Variants in C1QTNF6 observed in about 807,000 individuals in gnomAD.
The protein encoded by C1QTNF6 is complement C1q tumor necrosis factor-related protein 6.
In C1QTNF6, 17 loss-of-function variants were observed where a neutral mutation model predicts 20.7. The observed-to-expected ratio is 0.82, with a 90% CI of 0.56 to 1.23. The LOEUF (loss-of-function observed/expected upper bound fraction) is 1.23, where lower values mean the gene tolerates loss of function less well. Ranked by LOEUF, C1QTNF6 falls within the 50% of genes most tolerant of loss-of-function variation. The pLI, the probability that C1QTNF6 is intolerant of heterozygous loss-of-function variation, is 0.00. For missense variants in C1QTNF6, 329 were observed against 389.7 expected (o/e 0.84, Z 1.31); for synonymous variants, 130 against 156.3 (o/e 0.83, Z 1.25).
In C1QTNF6 at chr22:37,182,273, C is replaced by T. The variant is rs201227055; in HGVS notation, c.752G>A (p.Arg251His). 2.5e-4 allele frequency: 405 copies of T among 1,614,200 alleles called. 1 individual carries two copies. Among genetic ancestry groups the T allele is most frequent in the Non-Finnish European group, 3.1e-4 (367 of 1,180,032 alleles). ...GCTGTAGATGGCGTTCTCGCGCTGGCGCTTGAAGAGCCGCACCCAGACGCG... is the reference window on the plus strand; with the variant it reads ...GCTGTAGATGGCGTTCTCGCGCTGGTGCTTGAAGAGCCGCACCCAGACGCG... ...GDRVWVRLFK[R>H]QRENAIYSND... Residue 251 changes from arginine to histidine, a missense_variant, in exon 3 of 3, where the codon CGC becomes CAC. By Grantham distance (29) the Arg-to-His change is conservative. Transcript: ENST00000337843.
chr22:37,198,759 G>T (rs1475039997), upstream of C1QTNF6, among the ~76,000 whole-genome samples: 1 of 152,036 alleles, frequency 6.6e-6, no homozygotes, highest in Non-Finnish European at 1.5e-5. Flanking sequence ...GGGCGCCCAT[G>T]CACTCGCTTC....
At chr22:37,187,573 T>TAAA (rs5845322) in intron 1 of C1QTNF6, among the ~76,000 whole-genome samples, 1 of 147,282 alleles carries the variant, frequency 6.8e-6, no homozygotes, top group Non-Finnish European at 1.5e-5. Context: ...ATAAAAGACT[T>TAAA]AAAAAAAAAA....
chr22:37,185,628 G>C (rs1310333288), intron 1 of C1QTNF6, 173 bp from the exon 2 acceptor site: 8 of 1,333,274 alleles, frequency 6.0e-6, no homozygotes, highest in Non-Finnish European at 4.8e-6. Flanking sequence ...CCACAGAGCA[G>C]CAAGTTCCCC....
chr22:37,183,256 C>T (rs189210199), intron 2 of C1QTNF6, among the ~76,000 whole-genome samples: 15 of 152,336 alleles, frequency 9.8e-5, no homozygotes, highest in East Asian at 9.6e-4. Context: ...TGTGTGACCT[C>T]GGGCACTCCA....
chr22:37,193,025 T>C (rs1359163162), upstream of C1QTNF6, among the ~76,000 whole-genome samples: 1 of 152,108 alleles, frequency 6.6e-6, no homozygotes. Flanking sequence ...CCATCCCCCA[T>C]GGCAGTCTTA....
intron 2 of C1QTNF6, among the ~76,000 whole-genome samples, chr22:37,194,124 C>A (rs1924992802): frequency 1.3e-5 from 1 of 75,880 alleles, no homozygotes; most frequent in South Asian, 6.4e-4. Context: ...CAAGGTTAAA[C>A]TTGCAAGGAC....
upstream of C1QTNF6, chr22:37,191,558 T>C (rs965292884): frequency 7.2e-5 from 11 of 152,128 alleles, no homozygotes; most frequent in Admixed American, 1.3e-4. Context: ...TTGTCAAATA[T>C]CAAAAATTTA....
intron 2 of C1QTNF6, among the ~76,000 whole-genome samples, chr22:37,183,203 C>T (rs1037220203): frequency 6.6e-6 from 1 of 152,222 alleles, no homozygotes; most frequent in Non-Finnish European, 1.5e-5. Context: ...GGAGGAAAAG[C>T]CCAGGTTAGG....
chr22:37,182,434 C>T lies in C1QTNF6; in HGVS notation c.591G>A (p.Val197=). 2 of 1,614,274 alleles carry T rather than the reference C, an allele frequency of 1.2e-6. No individual in the cohort carries two copies. ...ACGTCTCCTTGTAATTCCAGCTGTG[C>T]ACATTGAGGCTGAAGAAGTAGATGC... The part of the protein sequence containing the change: ...LRGIYFFSLN[V]HSWNYKETYV... The change falls in exon 3 of 3, where the codon GTG becomes GTA. Residue 197 remains valine (V), a synonymous_variant. Transcript: ENST00000337843.
chr22:37,197,566 G>T (rs1925215908), intron 1 of C1QTNF6: 3 of 152,244 alleles, frequency 2.0e-5, no homozygotes, highest in African/African-American at 7.2e-5. Context: ...CACTTCACAG[G>T]TGAGGAGGCT....
At chr22:37,191,593 A>T (rs1924822006), upstream of C1QTNF6, 2 of 152,176 alleles carry the variant, frequency 1.3e-5, no homozygotes, top group Admixed American at 1.3e-4. Flanking sequence ...ACAAAATAGC[A>T]TCCCAGGTCA....
chr22:37,191,703 A>T (rs1457027084), upstream of C1QTNF6: 2 of 152,204 alleles, frequency 1.3e-5, no homozygotes, highest in Non-Finnish European at 2.9e-5. Flanking sequence ...TTCCAAAAAA[A>T]ACTGTCTCTT....
At chr22:37,189,297 C>A (rs974353746), upstream of C1QTNF6, among the ~76,000 whole-genome samples, 1 of 152,108 alleles carries the variant, frequency 6.6e-6, no homozygotes, top group African/African-American at 2.4e-5. Context: ...GTTTGTTTAC[C>A]GCATACTGTT....
Position 37,182,332 on chromosome 22 carries a change from G to A in C1QTNF6, c.693C>T (p.Ser231=), listed in dbSNP as rs1923851696. Residue 231 remains serine, a synonymous_variant, in exon 3 of 3, where the codon AGC becomes AGT. Coordinates refer to ENST00000337843, the MANE Select transcript of C1QTNF6 (RefSeq NM_031910.4). The part of the protein sequence containing the change: ...AQPSERSIMQ[S]QSVMLDLAYG... ...AGGCCAGGTCCAGCATCACACTCTG[G>A]CTCTGCATGATGCTGCGCTCGCTGG... 2 of 1,614,094 alleles carry A rather than the reference G, an allele frequency of 1.2e-6. No individual in the cohort carries two copies. The highest frequency in any genetic ancestry group is 1.3e-5 in the African/African-American group (1 of 74,958).
upstream of C1QTNF6, among the ~76,000 whole-genome samples, chr22:37,199,043 C>G (rs1300223482): frequency 1.3e-5 from 2 of 152,244 alleles, no homozygotes; most frequent in Non-Finnish European, 2.9e-5. Context: ...GCCAGGCCCT[C>G]TGCCCCGGCG....
rs1389524301 is a variant in C1QTNF6 at position 37,184,020 on chromosome 22, G to T, written c.289+1198C>A. ...CACCTCCCAGCAGGCTGCTGAGCTG[G>T]GCCCAGGAGCAGTGACCCTGGGTTT... On this transcript the variant is annotated intron_variant, in intron 2 of 2. Coordinates refer to ENST00000337843, the MANE Select transcript of C1QTNF6 (RefSeq NM_031910.4). The surrounding 1 kb of genome is among the most constrained non-coding windows in gnomAD (Gnocchi z 4.0). Among the ~76,000 whole-genome samples, 1 of 152,150 alleles carries T rather than the reference G, an allele frequency of 6.6e-6. No homozygotes were observed. Among genetic ancestry groups the T allele is most frequent in the Non-Finnish European group, 1.5e-5 (1 of 68,014 alleles).
At chr22:37,188,536 G>T, upstream of C1QTNF6, 1 of 259,036 alleles carries the variant, frequency 3.9e-6, no homozygotes, top group Non-Finnish European at 7.4e-6. Flanking sequence ...ATGGACACAG[G>T]CATGGGGCAC....
At chr22:37,186,914 G>C (rs1476543891) in intron 1 of C1QTNF6, among the ~76,000 whole-genome samples, 1 of 152,154 alleles carries the variant, frequency 6.6e-6, no homozygotes, top group Non-Finnish European at 1.5e-5. Flanking sequence ...GGTGAGGGCA[G>C]AGTTTTAAAG....
upstream of C1QTNF6, chr22:37,188,402 G>A (rs993205773): frequency 3.5e-4 from 174 of 491,458 alleles, 1 homozygote; most frequent in Admixed American, 6.8e-4. Context: ...TGGGTTCTGC[G>A]GAGATAAAGG....
Sources: allele counts gnomAD v4.1 joint callset (sites outside exome capture counted in the v4.1 genomes callset), GRCh38; gene constraint gnomAD v4.1.1; non-coding constraint Gnocchi (gnomAD v3.1); transcripts MANE v1.5; gene names NCBI Gene and HGNC (gene_info 2026-07-23, HGNC 2026-07-21).